CUX1: variants seen among roughly 807,000 people sequenced by gnomAD.
CUX1 encodes the protein protein CASP.
CUX1 carries 31 observed loss-of-function variants against 158.8 expected under a neutral mutation model. The ratio of observed to expected loss-of-function variants is 0.20; its 90% CI spans 0.15 to 0.26. The LOEUF (loss-of-function observed/expected upper bound fraction) is 0.26, where lower values mean the gene tolerates loss of function less well. Among genes scored for constraint, CUX1 ranks in the 10% least tolerant of loss-of-function variants. The pLI is 1.00. For missense variants in CUX1, 1,589 were observed against 2,014.6 expected (o/e 0.79, Z 4.04); for synonymous variants, 879 against 862.1 (o/e 1.02, Z -0.34).
chr7:101,972,538 A>G (rs1448448579), intron 2 of CUX1, among the ~76,000 whole-genome samples: 1 of 152,192 alleles, frequency 6.6e-6, no homozygotes, highest in Non-Finnish European at 1.5e-5. Context: ...AGGAGCACGG[A>G]GGACCTGGGG....
chr7:102,237,451 T>G (rs1313625729), intron 22 of CUX1, among the ~76,000 whole-genome samples: 1 of 152,036 alleles, frequency 6.6e-6, no homozygotes, highest in Non-Finnish European at 1.5e-5. Flanking sequence ...ACTGGCTAAT[T>G]TTTAAATTTT....
intron 3 of CUX1, among the ~76,000 whole-genome samples, chr7:102,052,726 A>C (rs1823659147): frequency 6.6e-6 from 1 of 152,192 alleles, no homozygotes; most frequent in Non-Finnish European, 1.5e-5. Context: ...ACTGTTTTCC[A>C]AGGTGGCTGT....
At chr7:101,840,323 G>C (rs957284986) in intron 1 of CUX1, among the ~76,000 whole-genome samples, 2 of 152,192 alleles carry the variant, frequency 1.3e-5, no homozygotes, top group Non-Finnish European at 2.9e-5. Flanking sequence ...GGTGGTGATA[G>C]AGGCTGCCCT....
rs1335021144 is a variant in CUX1 at position 102,251,833 on chromosome 7, G to A, written c.*2791G>A. 3 of 985,234 alleles carry A rather than the reference G, an allele frequency of 3.0e-6. No individual in the cohort carries two copies. In the African/African-American group the frequency reaches 5.2e-5, roughly 17 times the overall value. 61.0% of individuals were successfully genotyped at this position (985,234 alleles called of 1,614,324 possible). On this transcript the variant is annotated 3_prime_UTR_variant, in exon 24 of 24. Coordinates refer to ENST00000292535, the MANE Select transcript of CUX1 (RefSeq NM_181552.4). ...AGTAGGCTAGGGTTTAGTTTTAAAG[G>A]CATGACTGTTATTTACAAAGGTGTT...
chr7:102,235,032 C>G (rs551947819), intron 22 of CUX1, among the ~76,000 whole-genome samples: 1 of 152,334 alleles, frequency 6.6e-6, no homozygotes, highest in African/African-American at 2.4e-5. Context: ...CCTGCCACAA[C>G]AGATCTCTCT....
At chr7:102,189,489 G>A (rs1017361307) in intron 11 of CUX1, among the ~76,000 whole-genome samples, 8 of 151,080 alleles carry the variant, frequency 5.3e-5, no homozygotes, top group East Asian at 1.9e-4. Flanking sequence ...TCCAACTCCC[G>A]GGCTCAGGCA....
intron 2 of CUX1, among the ~76,000 whole-genome samples, chr7:102,014,281 C>T (rs1030127105): frequency 6.6e-6 from 1 of 152,146 alleles, no homozygotes; most frequent in African/African-American, 2.4e-5. Context: ...CTCGGTATGG[C>T]CACCACTCAC....
intron 8 of CUX1, among the ~76,000 whole-genome samples, chr7:102,132,461 C>T (rs1833400283): frequency 6.6e-6 from 1 of 151,884 alleles, no homozygotes; most frequent in Non-Finnish European, 1.5e-5. Flanking sequence ...TGTTATTCTC[C>T]GTAACTTCCC....
In CUX1 at chr7:102,037,647, C is replaced by T. The variant is rs545579933; in HGVS notation, c.189+9502C>T. The stretch of plus-strand genomic sequence containing the variant: ...GATTACAGGTGTGAGCCACCACGCC[C>T]GGCCCTGGGCTGGGTAGAATTTCTT... On this transcript the variant is annotated intron_variant, in intron 3 of 23. Coordinates refer to ENST00000292535, the MANE Select transcript of CUX1 (RefSeq NM_181552.4). Among the ~76,000 whole-genome samples the T allele has an allele frequency of 2.7e-5, 4 of 149,436 alleles. No homozygotes were observed. The South Asian group carries it at 6.4e-4, about 24-fold the overall frequency.
At chr7:101,898,363 A>G (rs942984663) in intron 1 of CUX1, among the ~76,000 whole-genome samples, 4 of 152,124 alleles carry the variant, frequency 2.6e-5, no homozygotes, top group Admixed American at 1.3e-4. Flanking sequence ...TCAGCAGCTC[A>G]CTGGCTCTGG....
At chr7:101,857,766 AT>A (rs11405519) in intron 1 of CUX1, among the ~76,000 whole-genome samples, 11 of 151,710 alleles carry the variant, frequency 7.3e-5, no homozygotes, top group East Asian at 1.9e-4. Flanking sequence ...TTTGCAGGGA[AT>A]TTTTTTCCCC....
At chr7:101,827,752 A>G (rs1793512851) in intron 1 of CUX1, among the ~76,000 whole-genome samples, 1 of 152,226 alleles carries the variant, frequency 6.6e-6, no homozygotes, top group African/African-American at 2.4e-5. Context: ...GAAGTAAGCT[A>G]AAGAAAATGT....
At chr7:101,896,491 C>T (rs1438907129) in intron 1 of CUX1, among the ~76,000 whole-genome samples, 2 of 152,206 alleles carry the variant, frequency 1.3e-5, no homozygotes, top group African/African-American at 4.8e-5. Flanking sequence ...TCTGACAGCT[C>T]TGCTCCTCAG....
At chr7:102,240,702 A>C (rs1193597733) in intron 23 of CUX1, among the ~76,000 whole-genome samples, 1 of 152,240 alleles carries the variant, frequency 6.6e-6, no homozygotes, top group Non-Finnish European at 1.5e-5. Flanking sequence ...GAGTTAATGA[A>C]GACAGATTGA....
chr7:102,198,164 G>T (rs1312994061), intron 15 of CUX1, among the ~76,000 whole-genome samples: 1 of 152,214 alleles, frequency 6.6e-6, no homozygotes, highest in African/African-American at 2.4e-5. Context: ...AGAGGCTAAG[G>T]CAGGAGGATG....
chr7:101,903,357 G>C lies in CUX1; in HGVS notation c.31-12758G>C, dbSNP rs114983449. On this transcript the variant is annotated intron_variant, in intron 1 of 23. Transcript: ENST00000292535. ...AGCAGACCCCAAGAACCGTACCCTA[G>C]GGGGCTGGCTGGGTCGGGGGAATTA... is the stretch of plus-strand genomic sequence containing the variant. 5.7e-3 allele frequency among the ~76,000 whole-genome samples: 872 copies of C among 152,242 alleles called. 14 individuals carry two copies. Among genetic ancestry groups the C allele is most frequent in the African/African-American group, 0.02 (820 of 41,564 alleles).
chr7:102,254,663 A>T lies in CUX1; in HGVS notation c.*5621A>T. ...TGACCAGCCAAAGCTCACATTTAGA[A>T]AGCCCTCAGTGCTTCTGTGGTTTCA... is the stretch of plus-strand genomic sequence containing the variant. On this transcript the variant is annotated 3_prime_UTR_variant, in exon 24 of 24. Coordinates refer to ENST00000292535, the MANE Select transcript of CUX1 (RefSeq NM_181552.4). 1 of 985,394 alleles carries T rather than the reference A, an allele frequency of 1.0e-6. No homozygotes were observed. The highest frequency in any genetic ancestry group is 1.2e-6 in the Non-Finnish European group (1 of 829,940). 61.0% of individuals were successfully genotyped at this position (985,394 alleles called of 1,614,324 possible). A position where few individuals can be genotyped will look rare whatever the true frequency, so the allele number is the denominator to read the frequency against.
Position 102,227,566 on chromosome 7 carries a change from A to G in CUX1, c.3330A>G (p.Gly1110=). Residue 1110 remains glycine, a synonymous_variant, in exon 21 of 24, where the codon GGA becomes GGG. Coordinates refer to ENST00000292535, the MANE Select transcript of CUX1 (RefSeq NM_181552.4). ...CCACAACCCCGCTGCCTCTCTCCGG[A>G]CACTCGGCCCTCAGCATCCAAGAAT... The part of the protein sequence containing the change: ...SQPTTPLPLS[G]HSALSIQELV... 6.2e-7 allele frequency: 1 copy of G among 1,614,154 alleles called. No homozygotes were observed. The highest frequency in any genetic ancestry group is 1.1e-5 in the South Asian group (1 of 91,076).
At chr7:101,965,483 C>T (rs1811065109) in intron 2 of CUX1, among the ~76,000 whole-genome samples, 1 of 152,118 alleles carries the variant, frequency 6.6e-6, no homozygotes, top group Admixed American at 6.6e-5. Context: ...GGCATATGGC[C>T]TGGCCCTGTC....
Sources: gnomAD v4.1 joint callset for allele counts (sites outside exome capture counted in the v4.1 genomes callset) on GRCh38, gnomAD v4.1.1 for gene constraint, MANE v1.5 for transcripts, NCBI Gene and HGNC (gene_info 2026-07-23, HGNC 2026-07-21) for gene names.